PDZRN3: variants seen among roughly 807,000 people sequenced by gnomAD.
PDZRN3 encodes the protein E3 ubiquitin-protein ligase PDZRN3.
Under a neutral mutation model 85.7 loss-of-function variants are expected in PDZRN3, and 38 were observed. The observed-to-expected ratio is 0.44, with a 90% CI of 0.34 to 0.58. PDZRN3 has a LOEUF of 0.58. Ranked by LOEUF, PDZRN3 falls within the 20% of genes least tolerant of loss-of-function variation. The pLI, the probability that PDZRN3 is intolerant of heterozygous loss-of-function variation, is 0.01. For synonymous variants in PDZRN3, 759 were observed against 638.0 expected (o/e 1.19, Z -2.86); for missense variants, 1,629 against 1,506.4 (o/e 1.08, Z -1.35).
At chr3:73,621,219 A>G (rs937958865) in intron 1 of PDZRN3, among the ~76,000 whole-genome samples, 1 of 152,250 alleles carries the variant, frequency 6.6e-6, no homozygotes. Context: ...GACAACGTCT[A>G]TGCTGGTACA....
At chr3:73,521,481 A>G (rs1458570491) in intron 3 of PDZRN3, among the ~76,000 whole-genome samples, 1 of 151,952 alleles carries the variant, frequency 6.6e-6, no homozygotes, top group Non-Finnish European at 1.5e-5. Context: ...GCAATCAGGA[A>G]CTCCATCACA....
At chr3:73,490,994 C>A (rs1032696031) in intron 3 of PDZRN3, among the ~76,000 whole-genome samples, 12 of 152,208 alleles carry the variant, frequency 7.9e-5, no homozygotes, top group African/African-American at 2.9e-4. Flanking sequence ...CAAAAGCCTG[C>A]CAGGCAAGCC....
intron 3 of PDZRN3, among the ~76,000 whole-genome samples, chr3:73,466,443 G>A (rs1196054659): frequency 6.6e-6 from 1 of 152,122 alleles, no homozygotes; most frequent in African/African-American, 2.4e-5. Flanking sequence ...GTCTCCAAGA[G>A]TTGGTGATGA....
intron 3 of PDZRN3, among the ~76,000 whole-genome samples, chr3:73,553,328 C>T (rs930435472): frequency 6.6e-6 from 1 of 152,130 alleles, no homozygotes; most frequent in Non-Finnish European, 1.5e-5. Context: ...AATCCCAGCA[C>T]TTTGGGAGGC....
intron 5 of PDZRN3, among the ~76,000 whole-genome samples, chr3:73,394,078 T>G (rs1382049330): frequency 6.6e-6 from 1 of 152,198 alleles, no homozygotes; most frequent in Non-Finnish European, 1.5e-5. Context: ...GAGAAAACTT[T>G]CTTAGAACAA....
At chr3:73,595,773 C>G (rs1235049452) in intron 3 of PDZRN3, among the ~76,000 whole-genome samples, 3 of 152,058 alleles carry the variant, frequency 2.0e-5, no homozygotes, top group Non-Finnish European at 2.9e-5. Flanking sequence ...CTGACTTGGA[C>G]TGAAATTAGA....
At chr3:73,565,292 C>G (rs974416872) in intron 3 of PDZRN3, among the ~76,000 whole-genome samples, 2 of 152,002 alleles carry the variant, frequency 1.3e-5, no homozygotes, top group East Asian at 3.9e-4. Flanking sequence ...CTATGTCCTG[C>G]TAATTTTTTG....
intron 3 of PDZRN3, among the ~76,000 whole-genome samples, chr3:73,453,878 T>C (rs1009771557): frequency 4.6e-5 from 7 of 152,168 alleles, no homozygotes; most frequent in African/African-American, 1.7e-4. Flanking sequence ...CCTCTTATCC[T>C]TGTCCAACAT....
intron 3 of PDZRN3, among the ~76,000 whole-genome samples, chr3:73,498,846 G>A (rs1181813811): frequency 6.6e-6 from 1 of 152,150 alleles, no homozygotes; most frequent in East Asian, 1.9e-4. Context: ...GCCTCCCAAA[G>A]TCCTGGGATT....
chr3:73,610,479 C>A (rs894925502), intron 1 of PDZRN3, among the ~76,000 whole-genome samples: 6 of 152,196 alleles, frequency 3.9e-5, no homozygotes, highest in Non-Finnish European at 8.8e-5. Flanking sequence ...AATCCAGAAT[C>A]AACCTAATAG....
chr3:73,554,722 G>A (rs530159149), intron 3 of PDZRN3, among the ~76,000 whole-genome samples: 1 of 152,312 alleles, frequency 6.6e-6, no homozygotes. Flanking sequence ...CTCACTGGCA[G>A]TGAATATGCT....
At chr3:73,387,091 C>G (rs1462145829) in intron 8 of PDZRN3, among the ~76,000 whole-genome samples, 2 of 152,230 alleles carry the variant, frequency 1.3e-5, no homozygotes, top group Non-Finnish European at 2.9e-5. Flanking sequence ...TCTCTCTTCC[C>G]TGCTGCCACG....
At chr3:73,469,203 G>A (rs1290619624) in intron 3 of PDZRN3, among the ~76,000 whole-genome samples, 2 of 151,804 alleles carry the variant, frequency 1.3e-5, no homozygotes, top group Non-Finnish European at 2.9e-5. Flanking sequence ...CTCCCGAATA[G>A]CTGGAATTAC....
intron 3 of PDZRN3, among the ~76,000 whole-genome samples, chr3:73,576,863 C>A (rs1415997204): frequency 2.0e-5 from 3 of 151,880 alleles, no homozygotes; most frequent in African/African-American, 4.8e-5. Flanking sequence ...TCTGGAGAAA[C>A]AATGAGACTA....
chr3:73,383,405 G>A lies in PDZRN3; in HGVS notation c.3161C>T (p.Thr1054Ile), dbSNP rs751340115. ...LTHGTKSPDG[T>I]RVYNSFLSVT... The stretch of plus-strand genomic sequence containing the variant: ...CGATAGGAAGGAATTGTATACTCTA[G>A]TGCCGTCCGGGGATTTTGTGCCGTG... Residue 1054 changes from threonine (T) to isoleucine (I), a missense_variant, in exon 10 of 10, where the codon ACT (threonine) becomes ATT (isoleucine). Coordinates refer to ENST00000263666, the MANE Select transcript of PDZRN3 (RefSeq NM_015009.3). 7 of 1,613,860 alleles carry A rather than the reference G, an allele frequency of 4.3e-6. No individual in the cohort carries two copies. The South Asian group carries it at 6.6e-5, about 15-fold the overall frequency.
intron 3 of PDZRN3, among the ~76,000 whole-genome samples, chr3:73,547,857 C>T (rs185984050): frequency 5.5e-4 from 84 of 152,306 alleles, no homozygotes; most frequent in African/African-American, 2.0e-3. Context: ...GTCCCAACTT[C>T]CTGGTTCTAA....
At chr3:73,410,610 C>T (rs1189945834) in intron 3 of PDZRN3, among the ~76,000 whole-genome samples, 3 of 152,196 alleles carry the variant, frequency 2.0e-5, no homozygotes, top group East Asian at 1.9e-4. Flanking sequence ...TTAGAAAAGT[C>T]GTCTTTGTGT....
chr3:73,417,071 G>A (rs966129937), intron 3 of PDZRN3, among the ~76,000 whole-genome samples: 2 of 151,460 alleles, frequency 1.3e-5, no homozygotes, highest in Non-Finnish European at 2.9e-5. Context: ...TAGTAGAGAC[G>A]GGGTTTCACC....
intron 3 of PDZRN3, among the ~76,000 whole-genome samples, chr3:73,599,995 T>TC (rs1702488009): frequency 6.6e-6 from 1 of 152,226 alleles, no homozygotes; most frequent in African/African-American, 2.4e-5. Context: ...CATATAAATG[T>TC]TACTTGTAAA....
Sources: gnomAD v4.1 joint callset for allele counts (sites outside exome capture counted in the v4.1 genomes callset) on GRCh38, gnomAD v4.1.1 for gene constraint, MANE v1.5 for transcripts, NCBI Gene and HGNC (gene_info 2026-07-23, HGNC 2026-07-21) for gene names.